ITPK1: variants seen among roughly 807,000 people sequenced by gnomAD.
The protein encoded by ITPK1 is inositol-tetrakisphosphate 1-kinase, also known as inositol 1,3,4-trisphosphate 5/6-kinase.
Under a neutral mutation model 45.3 loss-of-function variants are expected in ITPK1, and 21 were observed. That is an observed-to-expected ratio of 0.46 (90% CI 0.33 to 0.67). The LOEUF is 0.67. Among genes scored for constraint, ITPK1 ranks in the 30% least tolerant of loss-of-function variants. The probability of loss-of-function intolerance (pLI) is 0.02; values close to 1 mark genes in which losing one functional copy is unlikely to be tolerated. For synonymous variants in ITPK1, 258 were observed against 253.6 expected (o/e 1.02, Z -0.16); for missense variants, 474 against 573.5 (o/e 0.83, Z 1.77).
At position 93,094,703 on chromosome 14, in the gene ITPK1, G is replaced by A. The variant is rs527572660; in HGVS notation, c.96-18084C>T. 8.0e-4 allele frequency among the ~76,000 whole-genome samples: 122 copies of A among 152,326 alleles called. 2 individuals are homozygous for A. The highest frequency in any genetic ancestry group is 2.8e-3 in the African/African-American group (117 of 41,562). ...GTTCTTCACCACTTGACGAGCATGT[G>A]TCCACACCTGGCAGTCACAGCGTGG... On this transcript the variant is annotated intron_variant, in intron 2 of 10. Coordinates refer to ENST00000267615, the MANE Select transcript of ITPK1 (RefSeq NM_014216.6).
At chr14:93,071,206 C>G (rs1036627933) in intron 3 of ITPK1, 7 of 153,522 alleles carry the variant, frequency 4.6e-5, no homozygotes, top group African/African-American at 1.2e-4. Flanking sequence ...CTGTGTCTTT[C>G]ATGATCATCA....
chr14:93,093,988 A>C (rs1229283462), intron 2 of ITPK1, among the ~76,000 whole-genome samples: 1 of 152,222 alleles, frequency 6.6e-6, no homozygotes, highest in Non-Finnish European at 1.5e-5. Context: ...CTCCAGGTGG[A>C]CTAAACTTCT....
chr14:93,021,526 G>C (rs998408693), intron 3 of ITPK1, among the ~76,000 whole-genome samples: 2 of 151,898 alleles, frequency 1.3e-5, no homozygotes, highest in African/African-American at 4.8e-5. Flanking sequence ...CCGGGAGGCG[G>C]AGGTTGCAGT....
chr14:92,954,800 G>A (rs570969513), intron 8 of ITPK1, among the ~76,000 whole-genome samples: 2 of 152,282 alleles, frequency 1.3e-5, no homozygotes, highest in African/African-American at 4.8e-5. Context: ...GCTACAGATG[G>A]TGACCCAAGT....
intron 5 of ITPK1, among the ~76,000 whole-genome samples, chr14:92,970,878 G>A (rs925433757): frequency 3.6e-4 from 54 of 151,992 alleles, no homozygotes; most frequent in African/African-American, 1.1e-3. Flanking sequence ...CCCGTGATCC[G>A]CCCGCCTCGG....
chr14:93,021,003 A>G (rs1293896875), intron 3 of ITPK1, among the ~76,000 whole-genome samples: 1 of 152,116 alleles, frequency 6.6e-6, no homozygotes, highest in Non-Finnish European at 1.5e-5. Flanking sequence ...CACTCTTAGC[A>G]GTACCTAGCC....
In ITPK1 at chr14:92,941,335, A is replaced by C; in HGVS notation, c.*226T>G. ...CTCAGTTAGGAGGTCTGCACAGTAG[A>C]GAGCAGGCGGACGGCCCCACTCCCC... On this transcript the variant is annotated 3_prime_UTR_variant, in exon 11 of 11. Coordinates refer to ENST00000267615, the MANE Select transcript of ITPK1 (RefSeq NM_014216.6). The C allele has an allele frequency of 7.1e-7, 1 of 1,411,432 alleles. No homozygotes were observed. The highest frequency in any genetic ancestry group is 2.7e-5 in the East Asian group (1 of 37,378). 87.4% of individuals were successfully genotyped at this position (1,411,432 alleles called of 1,614,324 possible). A position where few individuals can be genotyped will look rare whatever the true frequency, so the allele number is the denominator to read the frequency against.
chr14:93,078,895 C>G (rs748374246), intron 2 of ITPK1, among the ~76,000 whole-genome samples: 2 of 152,148 alleles, frequency 1.3e-5, no homozygotes, highest in Non-Finnish European at 2.9e-5. Flanking sequence ...CGGCCCTGCT[C>G]CAGGACAGAA....
At position 92,946,453 on chromosome 14, in the gene ITPK1, T is replaced by A. The variant is rs138591973; in HGVS notation, c.779A>T (p.Glu260Val). The A allele has an allele frequency of 1.5e-3, 2,405 of 1,612,968 alleles. 9 individuals are homozygous for A. The highest frequency in any genetic ancestry group is 1.9e-3 in the Non-Finnish European group (2,273 of 1,179,926). ...IEGVFERPSD[E>V]VIRELSRALR... The stretch of plus-strand genomic sequence containing the variant: ...GGCCCGGGAGAGCTCCCGGATGACC[T>A]CGTCGCTCGGCCGCTCGAACACGCC... The change falls in exon 10 of 11, where the codon GAG becomes GTG. Residue 260 changes from glutamate to valine, a missense_variant. This residue lies in a region of ITPK1 where 367 missense variants were observed against 480.6 expected (regional missense o/e 0.76). Coordinates refer to ENST00000267615, the MANE Select transcript of ITPK1 (RefSeq NM_014216.6).
In ITPK1 at chr14:93,048,575, C is replaced by T. The variant is rs569737196; in HGVS notation, c.120+28020G>A. On this transcript the variant is annotated intron_variant, in intron 3 of 10. Transcript: ENST00000267615. ...CACGCTCACAAGACAGCTGCCAAAG[C>T]TCCTGATACTCCCACAAAATATCTG... Among the ~76,000 whole-genome samples, 165 of 152,300 alleles carry T rather than the reference C, an allele frequency of 1.1e-3. 2 individuals carry two copies. Among genetic ancestry groups the T allele is most frequent in the African/African-American group, 3.7e-3 (152 of 41,570 alleles).
intron 2 of ITPK1, among the ~76,000 whole-genome samples, chr14:93,099,170 G>A (rs1892207967): frequency 6.6e-6 from 1 of 152,246 alleles, no homozygotes; most frequent in Non-Finnish European, 1.5e-5. Context: ...GCTGTGGGGG[G>A]CCAGGGTCTG....
In ITPK1 at chr14:93,088,408, C is replaced by T. The variant is rs554202274; in HGVS notation, c.96-11789G>A. On this transcript the variant is annotated intron_variant, in intron 2 of 10. Transcript: ENST00000267615. ...AGGCTAGAGTGCAGTGACACGATTT[C>T]GGCTCATTGCAGCCTTGACCTCCTG... is the stretch of plus-strand genomic sequence containing the variant. 3.6e-4 allele frequency among the ~76,000 whole-genome samples: 51 copies of T among 140,272 alleles called. No homozygotes were observed. In the South Asian group the frequency reaches 0.011, roughly 31 times the overall value. The allele number at this position is 140,272 out of a possible 152,430, so 92.0% of individuals were successfully genotyped here. A position where few individuals can be genotyped will look rare whatever the true frequency, so the allele number is the denominator to read the frequency against.
Position 92,941,841 on chromosome 14 carries a change from C to T in ITPK1, c.965G>A (p.Gly322Asp), listed in dbSNP as rs554774198. 5 of 1,612,522 alleles carry T rather than the reference C, an allele frequency of 3.1e-6. No individual in the cohort carries two copies. Among genetic ancestry groups the T allele is most frequent in the African/African-American group, 1.3e-5 (1 of 75,066 alleles). The change falls in exon 11 of 11, where the codon GGC becomes GAC. Residue 322 changes from glycine to aspartate, a missense_variant. Transcript: ENST00000267615. Reference protein sequence around the residue: ...LLNHIATVLQGQSTAMAATGD... With the variant: ...LLNHIATVLQDQSTAMAATGD... Reference sequence around the variant, plus strand: ...TGTGGCTGCCATGGCTGTGCTCTGGCCCTGCAGGACAGTGGCGATGTGGTT... The same window carrying T: ...TGTGGCTGCCATGGCTGTGCTCTGGTCCTGCAGGACAGTGGCGATGTGGTT...
chr14:92,962,882 T>G, intron 5 of ITPK1, 33 bp from the exon 6 acceptor site: 1 of 1,508,154 alleles, frequency 6.6e-7, no homozygotes, highest in South Asian at 1.1e-5. Flanking sequence ...TCAGCACAGC[T>G]CCTGGGCAGC....
intron 5 of ITPK1, among the ~76,000 whole-genome samples, chr14:92,991,533 TGGGTAGC>T (rs1015736740): frequency 6.6e-6 from 1 of 152,144 alleles, no homozygotes; most frequent in Non-Finnish European, 1.5e-5. Flanking sequence ...TCTCCCCTTA[TGGGTAGC>T]TCCTAAACTT....
intron 9 of ITPK1, among the ~76,000 whole-genome samples, chr14:92,949,932 C>T (rs1008544521): frequency 2.0e-5 from 3 of 152,136 alleles, no homozygotes; most frequent in East Asian, 3.9e-4. Context: ...CAGTGGGCCT[C>T]GGCACCCGGC....
At chr14:93,006,295 A>G (rs1237828094) in intron 4 of ITPK1, among the ~76,000 whole-genome samples, 1 of 152,218 alleles carries the variant, frequency 6.6e-6, no homozygotes, top group African/African-American at 2.4e-5. Flanking sequence ...AGCAGACGCC[A>G]ACAACAACCC....
intron 5 of ITPK1, among the ~76,000 whole-genome samples, chr14:92,981,871 G>A (rs1421874026): frequency 6.6e-6 from 1 of 152,256 alleles, no homozygotes; most frequent in Non-Finnish European, 1.5e-5. Flanking sequence ...GAGGGCTTCT[G>A]GGAGGAAGTG....
At chr14:93,089,991 CCT>C (rs1891801898) in intron 2 of ITPK1, among the ~76,000 whole-genome samples, 1 of 152,116 alleles carries the variant, frequency 6.6e-6, no homozygotes, top group Non-Finnish European at 1.5e-5. Flanking sequence ...CTTCCCACTC[CCT>C]GAGACACACA....
Sources: gnomAD v4.1 joint callset for allele counts (sites outside exome capture counted in the v4.1 genomes callset) on GRCh38, gnomAD v4.1.1 for gene constraint, gnomAD v4.1.1 regional missense constraint, MANE v1.5 for transcripts, NCBI Gene and HGNC (gene_info 2026-07-23, HGNC 2026-07-21) for gene names.